Variants in USP34 observed in about 807,000 individuals in gnomAD.
USP34 encodes the protein ubiquitin carboxyl-terminal hydrolase 34.
Under a neutral mutation model 460.3 loss-of-function variants are expected in USP34, and 70 were observed. The ratio of observed to expected loss-of-function variants is 0.15; its 90% CI spans 0.13 to 0.19. USP34 has a LOEUF of 0.19. USP34 is among the 10% of genes least tolerant of loss of function. The pLI, the probability that USP34 is intolerant of heterozygous loss-of-function variation, is 1.00. For synonymous variants in USP34, 1,647 were observed against 1,405.3 expected, an observed-to-expected ratio of 1.17 and a Z score of -3.85; for missense variants, 3,985 against 4,236.2, an observed-to-expected ratio of 0.94 and a Z score of 1.65.
At chr2:61,268,643 G>T (rs751020577) in intron 41 of USP34, among the ~76,000 whole-genome samples, 1 of 150,856 alleles carries the variant, frequency 6.6e-6, no homozygotes, top group African/African-American at 2.4e-5. Flanking sequence ...TAGATAATAG[G>T]GTAATTTTTG....
In USP34 at chr2:61,314,692, A is replaced by T; in HGVS notation, c.3435T>A (p.Ser1145Arg). The T allele has an allele frequency of 6.2e-7, 1 of 1,600,260 alleles. No homozygotes were observed. The highest frequency in any genetic ancestry group is 8.5e-7 in the Non-Finnish European group (1 of 1,175,566). Residue 1145 changes from serine (S) to arginine (R), a missense_variant, in exon 25 of 80, where the codon AGT becomes AGA. Ser to Arg is a moderately radical substitution (Grantham distance 110). This residue lies in a region of USP34 where 1,114 missense variants were observed against 1,122.5 expected (regional missense o/e 0.99). Coordinates refer to ENST00000398571, the MANE Select transcript of USP34 (RefSeq NM_014709.4). ...CAAGACTGCTAGAAGCTATCATAAGACTCTCCATGCACTTACTAATAAATT... is the reference window on the plus strand; with the variant it reads ...CAAGACTGCTAGAAGCTATCATAAGTCTCTCCATGCACTTACTAATAAATT... ...EQEFISKCME[S>R]LMIASSSLEQ...
At chr2:61,470,506 C>G (rs1401298193) in intron 1 of USP34, 144 bp downstream of exon 1, 2 of 223,378 alleles carry the variant, frequency 9.0e-6, no homozygotes, top group Admixed American at 6.4e-5. Context: ...GCCGCGCCAC[C>G]GCGCACCTTC....
At chr2:61,417,319 C>T in intron 2 of USP34, 2 of 694,806 alleles carry the variant, frequency 2.9e-6, no homozygotes, top group South Asian at 1.6e-5. Flanking sequence ...CTGCTGTTTA[C>T]AGCCATTGCA....
chr2:61,189,068 T>G lies in USP34; in HGVS notation c.9875A>C (p.Asp3292Ala). 6.2e-7 allele frequency: 1 copy of G among 1,609,890 alleles called. No individual in the cohort carries two copies. Among genetic ancestry groups the G allele is most frequent in the Non-Finnish European group, 8.5e-7 (1 of 1,178,802 alleles). ...CAGGAGCAAAGCGAGTGCCCTCAGG[T>G]CCTACAAAAACCCAGATAGGAACAT... ...ISKASASLNG[D>A]LRALALLLSV... is the part of the protein sequence containing the mutation. The change falls in exon 79 of 80, where the codon GAC becomes GCC. Residue 3292 changes from aspartate to alanine, a missense_variant and splice_region_variant. Around this residue, in one of 14 missense-constraint regions of USP34, gnomAD observed 506 missense variants for 439.0 expected, o/e 1.15. Coordinates refer to ENST00000398571, the MANE Select transcript of USP34 (RefSeq NM_014709.4).
intron 41 of USP34, among the ~76,000 whole-genome samples, chr2:61,269,407 C>A (rs1689148603): frequency 6.6e-6 from 1 of 151,272 alleles, no homozygotes; most frequent in Non-Finnish European, 1.5e-5. Context: ...CTCAAGCAAT[C>A]CTTTTGCCTC....
At chr2:61,242,224 A>G (rs191055340) in intron 51 of USP34, among the ~76,000 whole-genome samples, 56 of 152,328 alleles carry the variant, frequency 3.7e-4, no homozygotes, top group African/African-American at 1.3e-3. Context: ...AAAGCATATT[A>G]TTAAAATATC....
At chr2:61,433,437 C>A (rs1192987376) in intron 1 of USP34, among the ~76,000 whole-genome samples, 1 of 152,022 alleles carries the variant, frequency 6.6e-6, no homozygotes, top group African/African-American at 2.4e-5. Context: ...AGTTCAAGAC[C>A]ACCCTGGCCA....
chr2:61,347,386 C>G (rs570476481), intron 15 of USP34, among the ~76,000 whole-genome samples: 1 of 151,918 alleles, frequency 6.6e-6, no homozygotes, highest in African/African-American at 2.4e-5. Flanking sequence ...TGTTGTTCAA[C>G]GTTTTGCTTT....
intron 3 of USP34, among the ~76,000 whole-genome samples, chr2:61,397,412 C>T (rs1056117135): frequency 1.3e-4 from 19 of 149,386 alleles, no homozygotes; most frequent in South Asian, 4.3e-4. Context: ...CACTGCACTC[C>T]AGCCTGGGAG....
At chr2:61,278,029 T>C (rs1282441905) in intron 41 of USP34, 136 bp downstream of exon 41, 57 of 1,141,176 alleles carry the variant, frequency 5.0e-5, no homozygotes, top group Admixed American at 3.8e-4. Context: ...TGAGTCGAAT[T>C]AAACCCTTTT....
intron 53 of USP34, among the ~76,000 whole-genome samples, chr2:61,237,756 T>G (rs1397767546): frequency 2.0e-5 from 3 of 150,484 alleles, no homozygotes; most frequent in Non-Finnish European, 4.4e-5. Context: ...TTTTTTTTTT[T>G]GTAGAGATGG....
At chr2:61,277,133 T>C (rs907381522) in intron 41 of USP34, among the ~76,000 whole-genome samples, 2 of 152,132 alleles carry the variant, frequency 1.3e-5, no homozygotes, top group South Asian at 2.1e-4. Context: ...TACCCAATAA[T>C]GACTACTTAC....
At chr2:61,378,912 C>CAAA (rs1491197501) in intron 7 of USP34, among the ~76,000 whole-genome samples, 475 of 8,626 alleles carry the variant, frequency 0.055, 6 homozygotes, top group Non-Finnish European at 0.078. Flanking sequence ...CTCAAAAAAA[C>CAAA]GAAAAAAAAA....
intron 8 of USP34, among the ~76,000 whole-genome samples, chr2:61,371,415 T>C (rs1692621433): frequency 6.7e-6 from 1 of 148,530 alleles, no homozygotes. Flanking sequence ...GCATGGGAGA[T>C]GACAGCTCCA....
At chr2:61,319,852 C>A (rs1055930288) in intron 21 of USP34, among the ~76,000 whole-genome samples, 8 of 151,434 alleles carry the variant, frequency 5.3e-5, no homozygotes, top group African/African-American at 1.9e-4. Context: ...TCAAAAAAAC[C>A]AAAAAAAATT....
chr2:61,428,871 T>TATC (rs1190043128), intron 1 of USP34, among the ~76,000 whole-genome samples: 1 of 152,044 alleles, frequency 6.6e-6, no homozygotes, highest in Non-Finnish European at 1.5e-5. Flanking sequence ...CCAACAGAGA[T>TATC]ATCAATGGCT....
intron 25 of USP34, among the ~76,000 whole-genome samples, chr2:61,313,167 C>G (rs72813528): frequency 0.15 from 22,261 of 151,840 alleles, 2,197 homozygotes; most frequent in South Asian, 0.37. Flanking sequence ...TTTATATAAA[C>G]TATTTAACAT....
intron 74 of USP34, 43 bp from the exon 75 acceptor site, chr2:61,203,306 A>C (rs778299877): frequency 7.0e-7 from 1 of 1,430,098 alleles, no homozygotes; most frequent in Non-Finnish European, 9.2e-7. Flanking sequence ...TAAATTGTAT[A>C]ATAAAGAGCA....
intron 61 of USP34, among the ~76,000 whole-genome samples, chr2:61,228,277 C>A (rs1361335147): frequency 6.6e-6 from 1 of 152,122 alleles, no homozygotes; most frequent in African/African-American, 2.4e-5. Context: ...TATTCATAGA[C>A]CACCTACTTA....
Sources: allele counts gnomAD v4.1 joint callset (sites outside exome capture counted in the v4.1 genomes callset), GRCh38; gene constraint gnomAD v4.1.1; regional missense constraint gnomAD v4.1.1; transcripts MANE v1.5; gene names NCBI Gene and HGNC (gene_info 2026-07-23, HGNC 2026-07-21).